Variants in GRM7 observed in about 807,000 individuals in gnomAD.
The protein encoded by GRM7 is glutamate metabotropic receptor 7, also known as metabotropic glutamate receptor 7.
Under a neutral mutation model 84.5 loss-of-function variants are expected in GRM7, and 35 were observed. That is an observed-to-expected ratio of 0.41 (90% CI 0.32 to 0.55). The LOEUF is 0.55. GRM7 is among the 20% of genes least tolerant of loss of function. The pLI is 0.19. For synonymous variants in GRM7, 487 were observed against 455.1 expected (o/e 1.07, Z -0.89); for missense variants, 1,003 against 1,194.6 (o/e 0.84, Z 2.36).
chr3:7,345,656 A>G (rs1433357907), intron 4 of GRM7, among the ~76,000 whole-genome samples: 1 of 152,036 alleles, frequency 6.6e-6, no homozygotes, highest in Admixed American at 6.6e-5. Context: ...ACATATAATA[A>G]ATACATATTT....
At chr3:7,460,476 C>T (rs913549533) in intron 6 of GRM7, among the ~76,000 whole-genome samples, 8 of 152,022 alleles carry the variant, frequency 5.3e-5, no homozygotes, top group Non-Finnish European at 1.0e-4. Flanking sequence ...GCTTTGGTGC[C>T]ATCAATTTGG....
chr3:6,887,108 A>G (rs950526967), intron 1 of GRM7, among the ~76,000 whole-genome samples: 1 of 152,064 alleles, frequency 6.6e-6, no homozygotes, highest in Non-Finnish European at 1.5e-5. Context: ...TTGTTGAGGG[A>G]CAGTGCCTTT....
intron 2 of GRM7, among the ~76,000 whole-genome samples, chr3:7,282,448 CT>C (rs1428145590): frequency 6.6e-5 from 10 of 152,332 alleles, no homozygotes; most frequent in African/African-American, 2.2e-4. Flanking sequence ...AAATCTGTCT[CT>C]CTGATTCTGA....
intron 1 of GRM7, among the ~76,000 whole-genome samples, chr3:6,936,769 C>T (rs1697708440): frequency 6.6e-6 from 1 of 152,122 alleles, no homozygotes; most frequent in African/African-American, 2.4e-5. Context: ...GCCTAGTAAT[C>T]CATGATAGTA....
At chr3:7,046,693 T>C (rs547513963) in intron 1 of GRM7, among the ~76,000 whole-genome samples, 2 of 152,136 alleles carry the variant, frequency 1.3e-5, no homozygotes, top group South Asian at 4.1e-4. Flanking sequence ...TGAGTGAGAC[T>C]AGAAGCAGTG....
chr3:7,519,113 C>A (rs1458165910), intron 7 of GRM7, among the ~76,000 whole-genome samples: 1 of 152,156 alleles, frequency 6.6e-6, no homozygotes, highest in East Asian at 1.9e-4. Context: ...AAAATATCAA[C>A]CCAGTTTTTT....
chr3:6,894,174 C>T (rs984926860), intron 1 of GRM7, among the ~76,000 whole-genome samples: 8 of 152,086 alleles, frequency 5.3e-5, no homozygotes, highest in Non-Finnish European at 8.8e-5. Flanking sequence ...CCTGAGTACA[C>T]CTAGTTCATT....
chr3:7,377,427 GTTC>G (rs1248848575), intron 4 of GRM7, among the ~76,000 whole-genome samples: 2 of 152,188 alleles, frequency 1.3e-5, no homozygotes, highest in African/African-American at 4.8e-5. Context: ...TGAGAGCATT[GTTC>G]TTCTAAACTG....
intron 2 of GRM7, among the ~76,000 whole-genome samples, chr3:7,154,466 G>A (rs1694384472): frequency 6.6e-6 from 1 of 152,130 alleles, no homozygotes; most frequent in African/African-American, 2.4e-5. Flanking sequence ...TCTTCTGCCT[G>A]CCATCATTGC....
rs1243486040 is a variant in GRM7, at chr3:7,151,538, A to C, written c.736+4870A>C. Among the ~76,000 whole-genome samples the C allele has an allele frequency of 6.6e-6, 1 of 152,146 alleles. No homozygotes were observed. Among genetic ancestry groups the C allele is most frequent in the Non-Finnish European group, 1.5e-5 (1 of 68,034 alleles). The stretch of plus-strand genomic sequence containing the variant: ...TACAATGTTCTATCTTGTGGTGTGC[A>C]TTGCCCATTGTTAGTCTTTGCCAAT... On this transcript the variant is annotated intron_variant, in intron 2 of 9. Coordinates refer to ENST00000357716, the MANE Select transcript of GRM7 (RefSeq NM_000844.4). The surrounding 1 kb of genome is among the most constrained non-coding windows in gnomAD (Gnocchi z 4.5).
intron 2 of GRM7, among the ~76,000 whole-genome samples, chr3:7,181,621 A>G (rs1250656574): frequency 6.6e-6 from 1 of 151,852 alleles, no homozygotes; most frequent in Non-Finnish European, 1.5e-5. Context: ...TTATTTATTT[A>G]TTTTTGAGGC....
intron 8 of GRM7, among the ~76,000 whole-genome samples, chr3:7,586,786 C>G (rs1695540544): frequency 6.6e-6 from 1 of 152,076 alleles, no homozygotes; most frequent in South Asian, 2.1e-4. Context: ...CCAGCCTGGG[C>G]AACAGAGCCA....
At chr3:6,889,353 A>C (rs1412191844) in intron 1 of GRM7, among the ~76,000 whole-genome samples, 2 of 152,130 alleles carry the variant, frequency 1.3e-5, no homozygotes, top group African/African-American at 2.4e-5. Context: ...ATTCAGTATG[A>C]TATTGGCTGT....
intron 1 of GRM7, among the ~76,000 whole-genome samples, chr3:6,903,083 T>C (rs944657416): frequency 1.3e-5 from 2 of 152,158 alleles, no homozygotes; most frequent in African/African-American, 2.4e-5. Context: ...TGCTTATAAG[T>C]CTTAACACAT....
chr3:7,396,051 T>C (rs961758751), intron 4 of GRM7, among the ~76,000 whole-genome samples: 2 of 152,156 alleles, frequency 1.3e-5, no homozygotes, highest in Admixed American at 6.6e-5. Flanking sequence ...CCAATTTTTT[T>C]AAATTGAAAA....
At chr3:7,064,709 C>A (rs958839707) in intron 1 of GRM7, among the ~76,000 whole-genome samples, 1 of 151,250 alleles carries the variant, frequency 6.6e-6, no homozygotes, top group African/African-American at 2.4e-5. Context: ...TGGGTAGATA[C>A]CCAGTAGTGG....
intron 1 of GRM7, among the ~76,000 whole-genome samples, chr3:6,992,298 G>A (rs188827266): frequency 6.6e-6 from 1 of 152,128 alleles, no homozygotes; most frequent in Admixed American, 6.5e-5. Context: ...TGATTTTTAG[G>A]AGTCCTTAAA....
intron 7 of GRM7, among the ~76,000 whole-genome samples, chr3:7,517,898 A>C (rs1459350102): frequency 6.6e-6 from 1 of 152,228 alleles, no homozygotes; most frequent in African/African-American, 2.4e-5. Flanking sequence ...CTGTTGCCCA[A>C]AGTGCATATT....
intron 1 of GRM7, among the ~76,000 whole-genome samples, chr3:6,956,026 T>A (rs1277998927): frequency 1.3e-5 from 2 of 152,156 alleles, no homozygotes; most frequent in Non-Finnish European, 2.9e-5. Flanking sequence ...TACCCCAAGT[T>A]AATTTTAAAG....
Sources: allele counts gnomAD v4.1 joint callset (sites outside exome capture counted in the v4.1 genomes callset), GRCh38; gene constraint gnomAD v4.1.1; non-coding constraint Gnocchi (gnomAD v3.1); transcripts MANE v1.5; gene names NCBI Gene and HGNC (gene_info 2026-07-23, HGNC 2026-07-21).